UBE3D: variants seen among roughly 807,000 people sequenced by gnomAD.
UBE3D encodes the protein E3 ubiquitin-protein ligase E3D.
Under a neutral mutation model 49.6 loss-of-function variants are expected in UBE3D, and 48 were observed. That is an observed-to-expected ratio of 0.97 (90% CI 0.77 to 1.23). The LOEUF is 1.23. Ranked by LOEUF, UBE3D falls within the 50% of genes most tolerant of loss-of-function variation. The probability of loss-of-function intolerance (pLI) is 0.00; values close to 1 mark genes in which losing one functional copy is unlikely to be tolerated. For synonymous variants in UBE3D, 189 were observed against 174.2 expected (o/e 1.08, Z -0.67); for missense variants, 452 against 468.4 (o/e 0.96, Z 0.32).
At chr6:83,028,081 T>C (rs1052846726) in intron 5 of UBE3D, among the ~76,000 whole-genome samples, 4 of 152,212 alleles carry the variant, frequency 2.6e-5, no homozygotes, top group Non-Finnish European at 5.9e-5. Context: ...TATAACACTT[T>C]TTAAGAAATT....
At chr6:82,928,215 G>A (rs1449209972) in intron 9 of UBE3D, among the ~76,000 whole-genome samples, 1 of 151,852 alleles carries the variant, frequency 6.6e-6, no homozygotes, top group Non-Finnish European at 1.5e-5. Flanking sequence ...ACAAAAATAT[G>A]CAAAATTTGG....
chr6:82,974,277 C>T (rs936446678), intron 8 of UBE3D, among the ~76,000 whole-genome samples: 17 of 152,074 alleles, frequency 1.1e-4, no homozygotes, highest in Non-Finnish European at 1.6e-4. Flanking sequence ...TCCCTTGTGC[C>T]GAAAAGGTTG....
At chr6:82,943,506 T>C (rs1054538158) in intron 9 of UBE3D, among the ~76,000 whole-genome samples, 1 of 151,998 alleles carries the variant, frequency 6.6e-6, no homozygotes, top group Non-Finnish European at 1.5e-5. Context: ...CATGGTGGCA[T>C]GTACCCGTAG....
chr6:82,938,581 G>A (rs1331474939), intron 9 of UBE3D: 1 of 152,180 alleles, frequency 6.6e-6, no homozygotes, highest in African/African-American at 2.4e-5. Context: ...TTAAGTGCAG[G>A]TTAATAAGGA....
chr6:82,919,322 G>C (rs912560806), intron 9 of UBE3D, among the ~76,000 whole-genome samples: 3 of 151,950 alleles, frequency 2.0e-5, no homozygotes, highest in Admixed American at 1.3e-4. Flanking sequence ...ATCAGGACCT[G>C]GCCAGGCACG....
At chr6:83,029,950 T>C (rs147680474) in intron 5 of UBE3D, among the ~76,000 whole-genome samples, 1 of 152,326 alleles carries the variant, frequency 6.6e-6, no homozygotes, top group East Asian at 1.9e-4. Flanking sequence ...TTACGAAAAT[T>C]ACCTTCTGCT....
the UBE3D span, among the ~76,000 whole-genome samples, chr6:82,882,649 G>T: frequency 6.6e-5 from 10 of 152,268 alleles, no homozygotes; most frequent in East Asian, 1.5e-3. Flanking sequence ...GGGCCCATCT[G>T]CTTCAAACTA....
intron 9 of UBE3D, among the ~76,000 whole-genome samples, chr6:82,907,529 A>G (rs2770685): frequency 0.076 from 11,533 of 152,144 alleles, 1,461 homozygotes; most frequent in African/African-American, 0.26. Context: ...GGGGAACAGG[A>G]CTCCTACAAT....
chr6:82,907,717 G>A (rs776852225), intron 9 of UBE3D, among the ~76,000 whole-genome samples: 7 of 152,176 alleles, frequency 4.6e-5, no homozygotes, highest in African/African-American at 9.7e-5. Flanking sequence ...CGGAACAGCC[G>A]GAGCTCTCAG....
chr6:82,970,237 TC>T (rs1777248741), intron 8 of UBE3D, among the ~76,000 whole-genome samples: 1 of 151,302 alleles, frequency 6.6e-6, no homozygotes, highest in Admixed American at 6.6e-5. Flanking sequence ...ACCTATCATA[TC>T]ATTTTCAAAA....
intron 9 of UBE3D, among the ~76,000 whole-genome samples, chr6:82,952,405 ATAT>A (rs1775867745): frequency 6.6e-6 from 1 of 152,006 alleles, no homozygotes; most frequent in East Asian, 1.9e-4. Flanking sequence ...ATTATAATTT[ATAT>A]TATTATCTGA....
At chr6:83,015,669 G>A (rs755173815) in intron 8 of UBE3D, among the ~76,000 whole-genome samples, 113 of 152,250 alleles carry the variant, frequency 7.4e-4, no homozygotes, top group South Asian at 1.7e-3. Flanking sequence ...ACCTTTAGGG[G>A]CCTGCCAGGA....
At chr6:82,974,008 C>G (rs1462684578) in intron 8 of UBE3D, among the ~76,000 whole-genome samples, 1 of 152,170 alleles carries the variant, frequency 6.6e-6, no homozygotes, top group Non-Finnish European at 1.5e-5. Flanking sequence ...TGTAGGAAAA[C>G]AGGCTTAGAG....
intron 3 of UBE3D, among the ~76,000 whole-genome samples, chr6:83,046,938 T>C (rs1389496767): frequency 2.0e-5 from 3 of 152,046 alleles, no homozygotes; most frequent in Admixed American, 1.3e-4. Context: ...CTCCAGGCAG[T>C]GAAAGGAATT....
intron 9 of UBE3D, among the ~76,000 whole-genome samples, chr6:82,924,454 T>G (rs1773597455): frequency 6.6e-6 from 1 of 152,192 alleles, no homozygotes; most frequent in Non-Finnish European, 1.5e-5. Context: ...AAACTAGAAT[T>G]TATTATGACA....
intron 5 of UBE3D, among the ~76,000 whole-genome samples, chr6:83,033,307 G>T (rs1233641072): frequency 6.6e-6 from 1 of 152,092 alleles, no homozygotes; most frequent in Non-Finnish European, 1.5e-5. Context: ...CTCAAAAATT[G>T]GAGATTACAT....
In UBE3D at chr6:82,892,680, C is replaced by T. The variant is rs1388596788; in HGVS notation, c.*342G>A. The T allele has an allele frequency of 1.0e-5, 3 of 289,056 alleles. No homozygotes were observed. Among genetic ancestry groups the T allele is most frequent in the African/African-American group, 6.6e-5 (3 of 45,594 alleles). The allele number at this position is 289,056 out of a possible 1,614,324, so 17.9% of individuals were successfully genotyped here. A position where few individuals can be genotyped will look rare whatever the true frequency, so the allele number is the denominator to read the frequency against. The stretch of plus-strand genomic sequence containing the variant: ...ATAAAATTCCTCACTGGATTCCACA[C>T]AGGACAGATGGATCTCCATTAGGTA... On this transcript the variant is annotated 3_prime_UTR_variant, in exon 10 of 10. Transcript: ENST00000369747.
At chr6:82,884,759 G>T in the UBE3D span, among the ~76,000 whole-genome samples, 1 of 152,180 alleles carries the variant, frequency 6.6e-6, no homozygotes, top group African/African-American at 2.4e-5. Flanking sequence ...ATTCTGAGAA[G>T]GAAAATGCAT....
At chr6:82,891,929 C>A (rs566405622), downstream of UBE3D, among the ~76,000 whole-genome samples, 11 of 151,922 alleles carry the variant, frequency 7.2e-5, no homozygotes, top group Non-Finnish European at 1.6e-4. Context: ...TGGGAGCCTG[C>A]GGCAGGCAAA....
Sources: gnomAD v4.1 joint callset for allele counts (sites outside exome capture counted in the v4.1 genomes callset) on GRCh38, gnomAD v4.1.1 for gene constraint, MANE v1.5 for transcripts, NCBI Gene and HGNC (gene_info 2026-07-23, HGNC 2026-07-21) for gene names.